The following SDCCAG8 variants were observed in gnomAD, a reference collection of about 807,000 sequenced individuals.
SDCCAG8 encodes SHH signaling and ciliogenesis regulator SDCCAG8.
Under a neutral mutation model 101.8 loss-of-function variants are expected in SDCCAG8, and 74 were observed. The observed-to-expected ratio is 0.73, with a 90% CI of 0.60 to 0.88. The LOEUF is 0.88. SDCCAG8 is among the 40% of genes least tolerant of loss of function. The pLI, the probability that SDCCAG8 is intolerant of heterozygous loss-of-function variation, is 0.00. For missense variants in SDCCAG8, 787 were observed against 822.6 expected, an observed-to-expected ratio of 0.96 and a Z score of 0.53; for synonymous variants, 281 against 292.9, an observed-to-expected ratio of 0.96 and a Z score of 0.41.
In SDCCAG8 at chr1:243,474,698, G is replaced by C. The variant is rs1428873144; in HGVS notation, c.1986-14316G>C. Reference sequence around the variant, plus strand: ...CCACCTGCAGAGGCACAATTGCCCAGCGTGGGGTGGAAGGCAGGCTGGGAG... The same window carrying C: ...CCACCTGCAGAGGCACAATTGCCCACCGTGGGGTGGAAGGCAGGCTGGGAG... On this transcript the variant is annotated intron_variant, in intron 16 of 17. Coordinates refer to ENST00000366541, the MANE Select transcript of SDCCAG8 (RefSeq NM_006642.5). This position sits in a 1 kb window ranked among gnomAD's most constrained non-coding sequence, Gnocchi z 4.7. 6.6e-6 allele frequency among the ~76,000 whole-genome samples: 1 copy of C among 152,202 alleles called. No individual in the cohort carries two copies. The highest frequency in any genetic ancestry group is 1.5e-5 in the Non-Finnish European group (1 of 68,026).
intron 5 of SDCCAG8, among the ~76,000 whole-genome samples, chr1:243,291,137 G>C (rs1355271379): frequency 6.6e-6 from 1 of 152,208 alleles, no homozygotes; most frequent in African/African-American, 2.4e-5. Flanking sequence ...CTGGGGACCT[G>C]TCCTGTCTTG....
chr1:243,330,917 T>C (rs1329485571), intron 10 of SDCCAG8, among the ~76,000 whole-genome samples: 3 of 152,226 alleles, frequency 2.0e-5, no homozygotes, highest in Non-Finnish European at 2.9e-5. Flanking sequence ...TCAGTTAGAT[T>C]CCATACAATG....
At chr1:243,263,223 A>AT (rs924563521) in intron 1 of SDCCAG8, among the ~76,000 whole-genome samples, 29 of 151,572 alleles carry the variant, frequency 1.9e-4, no homozygotes, top group East Asian at 5.8e-4. Context: ...TGTTTTATTG[A>AT]TTTTTTTTTA....
At chr1:243,487,067 T>C (rs1461736733) in intron 16 of SDCCAG8, among the ~76,000 whole-genome samples, 2 of 152,184 alleles carry the variant, frequency 1.3e-5, no homozygotes, top group Non-Finnish European at 2.9e-5. Flanking sequence ...AGCATCAGAT[T>C]GTCTGCTTCT....
At chr1:243,449,032 A>G (rs1462562529) in intron 16 of SDCCAG8, among the ~76,000 whole-genome samples, 1 of 152,238 alleles carries the variant, frequency 6.6e-6, no homozygotes, top group Non-Finnish European at 1.5e-5. Context: ...TGTGTGTCTA[A>G]TTACTATTAT....
intron 16 of SDCCAG8, among the ~76,000 whole-genome samples, chr1:243,483,511 CCT>C (rs1664192656): frequency 6.6e-6 from 1 of 152,176 alleles, no homozygotes; most frequent in African/African-American, 2.4e-5. Context: ...GAAGATTGCC[CCT>C]CTCTCCTCCA....
chr1:243,286,165 G>T, intron 4 of SDCCAG8, 107 bp from the exon 5 acceptor site: 2 of 1,127,204 alleles, frequency 1.8e-6, no homozygotes, highest in South Asian at 2.6e-5. Flanking sequence ...TTCAGGAAAA[G>T]GAGAACATAA....
intron 13 of SDCCAG8, among the ~76,000 whole-genome samples, chr1:243,385,511 G>A (rs2078224033): frequency 6.6e-6 from 1 of 152,206 alleles, no homozygotes; most frequent in African/African-American, 2.4e-5. Flanking sequence ...ACTTCTTACT[G>A]ATTTTGGTAG....
chr1:243,379,345 T>C (rs1033504506), intron 13 of SDCCAG8, among the ~76,000 whole-genome samples: 1 of 152,154 alleles, frequency 6.6e-6, no homozygotes, highest in Non-Finnish European at 1.5e-5. Flanking sequence ...TGAGATGAAA[T>C]AGATTGGCAC....
At chr1:243,418,892 C>T (rs1241688414) in intron 15 of SDCCAG8, among the ~76,000 whole-genome samples, 1 of 152,096 alleles carries the variant, frequency 6.6e-6, no homozygotes, top group Non-Finnish European at 1.5e-5. Context: ...TATATGATAA[C>T]TCAATGAAAA....
At position 243,485,101 on chromosome 1, in the gene SDCCAG8, G is replaced by A. The variant is rs1453438956; in HGVS notation, c.1986-3913G>A. Among the ~76,000 whole-genome samples, 7 of 152,042 alleles carry A rather than the reference G, an allele frequency of 4.6e-5. No individual in the cohort carries two copies. The East Asian group carries it at 9.7e-4, about 21-fold the overall frequency. ...AGAGGTGTTTAGCAAGGCTTGGTTC[G>A]TTTGGTGAATTAACTCAGTGAGTTA... On this transcript the variant is annotated intron_variant, in intron 16 of 17. Transcript: ENST00000366541.
At chr1:243,469,615 A>G (rs1660818450) in intron 16 of SDCCAG8, among the ~76,000 whole-genome samples, 1 of 152,146 alleles carries the variant, frequency 6.6e-6, no homozygotes, top group Non-Finnish European at 1.5e-5. Context: ...TTACAATTTG[A>G]TGCCCCTGCC....
intron 16 of SDCCAG8, among the ~76,000 whole-genome samples, chr1:243,460,838 T>TGGAA (rs1261676762): frequency 6.6e-6 from 1 of 152,212 alleles, no homozygotes; most frequent in African/African-American, 2.4e-5. Flanking sequence ...TCTCAGGTGG[T>TGGAA]GGAAGTCTGT....
At chr1:243,369,257 T>C (rs1275054257) in intron 12 of SDCCAG8, among the ~76,000 whole-genome samples, 1 of 152,130 alleles carries the variant, frequency 6.6e-6, no homozygotes, top group Non-Finnish European at 1.5e-5. Context: ...TGACTTGTGT[T>C]TGGCAATGTT....
chr1:243,378,624 C>A, intron 12 of SDCCAG8, 97 bp from the exon 13 acceptor site: 1 of 1,339,838 alleles, frequency 7.5e-7, no homozygotes, highest in Admixed American at 2.0e-5. Context: ...AATTTTTTAT[C>A]AAATTGAAAT....
intron 15 of SDCCAG8, among the ~76,000 whole-genome samples, chr1:243,424,070 TCTG>T (rs1305259460): frequency 6.6e-6 from 1 of 152,140 alleles, no homozygotes; most frequent in Non-Finnish European, 1.5e-5. Context: ...TTGTGTTTCT[TCTG>T]TAGATATTTT....
In SDCCAG8 at chr1:243,418,261, T is replaced by C. The variant is rs139315318; in HGVS notation, c.1853+185T>C. On this transcript the variant is annotated intron_variant, in intron 15 of 17. Transcript: ENST00000366541. The stretch of plus-strand genomic sequence containing the variant: ...AATTGTCTATACGCTTTTATGTTTT[T>C]TCATGGTTATGTGTATGTACTATTA... Among the ~76,000 whole-genome samples the C allele has an allele frequency of 5.9e-3, 899 of 152,324 alleles. 13 individuals carry two copies. The highest frequency in any genetic ancestry group is 0.02 in the African/African-American group (817 of 41,572).
intron 11 of SDCCAG8, among the ~76,000 whole-genome samples, chr1:243,343,110 C>T (rs376833351): frequency 7.2e-5 from 11 of 152,130 alleles, no homozygotes; most frequent in African/African-American, 1.2e-4. Flanking sequence ...TACAGGCATG[C>T]GCTACCATAC....
chr1:243,271,865 T>C (rs2068117902), intron 3 of SDCCAG8, among the ~76,000 whole-genome samples: 1 of 152,162 alleles, frequency 6.6e-6, no homozygotes, highest in Admixed American at 6.6e-5. Context: ...CGTTTTAATA[T>C]GTAATGTTCT....
Sources: gnomAD v4.1 joint callset for allele counts (sites outside exome capture counted in the v4.1 genomes callset) on GRCh38, gnomAD v4.1.1 for gene constraint, Gnocchi (gnomAD v3.1) non-coding constraint, MANE v1.5 for transcripts, NCBI Gene and HGNC (gene_info 2026-07-23, HGNC 2026-07-21) for gene names.